DHRSX: variants seen among roughly 807,000 people sequenced by gnomAD.
The protein encoded by DHRSX is dehydrogenase/reductase X-linked.
DHRSX carries 31 observed loss-of-function variants against 34.0 expected under a neutral mutation model. The ratio of observed to expected loss-of-function variants is 0.91; its 90% CI spans 0.69 to 1.23. DHRSX has a LOEUF of 1.23. Ranked by LOEUF, DHRSX falls within the 50% of genes most tolerant of loss-of-function variation. The pLI is 0.00. For missense variants in DHRSX, 414 were observed against 428.1 expected, an observed-to-expected ratio of 0.97 and a Z score of 0.29; for synonymous variants, 201 against 183.8, an observed-to-expected ratio of 1.09 and a Z score of -0.76.
rs140373350 is a variant in DHRSX, at chrX:2,266,769, A to G, written c.567T>C (p.Ala189=). ...VTVSSATHYV[A]ELNMDDLQSS... is the part of the protein sequence containing the mutation. ...TCTGAAGGTCATCCATGTTCAGCTC[A>G]GCGACGTAATGGGTGGCAGAGGAGA... is the stretch of plus-strand genomic sequence containing the variant. Residue 189 remains alanine, a synonymous_variant, in exon 5 of 7, where the codon GCT becomes GCC. Transcript: ENST00000334651. The G allele has an allele frequency of 1.8e-4, 287 of 1,613,756 alleles. No homozygotes were observed. Among genetic ancestry groups the G allele is most frequent in the Non-Finnish European group, 2.2e-4 (255 of 1,179,780 alleles).
intron 1 of DHRSX, among the ~76,000 whole-genome samples, chrX:2,495,248 C>G (rs899802737): frequency 6.6e-6 from 1 of 150,946 alleles, no homozygotes; most frequent in African/African-American, 2.4e-5. Flanking sequence ...CGTTCCAGGA[C>G]GTGAAGCAAA....
chrX:2,374,964 G>A (rs1371844197), intron 3 of DHRSX, among the ~76,000 whole-genome samples: 1 of 136,880 alleles, frequency 7.3e-6, no homozygotes, highest in Non-Finnish European at 1.7e-5. Flanking sequence ...CAGCTACATA[G>A]GAGGCTGAGG....
chrX:2,289,414 G>A (rs1426212980), intron 4 of DHRSX, among the ~76,000 whole-genome samples: 3 of 152,080 alleles, frequency 2.0e-5, no homozygotes, highest in African/African-American at 7.2e-5. Flanking sequence ...CACCGCGCCC[G>A]GCCTGAGATT....
rs111944891 is a variant in DHRSX at position 2,476,239 on chromosome X, C to CA, written c.109+24577dup. Among the ~76,000 whole-genome samples, 129 of 147,690 alleles carry CA rather than the reference C, an allele frequency of 8.7e-4. 1 individual carries two copies. The highest frequency in any genetic ancestry group is 2.0e-3 in the African/African-American group (81 of 40,060). On this transcript the variant is annotated intron_variant, in intron 1 of 6. Transcript: ENST00000334651. ...CCTGTCTCTACTAAAAACACACACACAAAAAAAAATTAGCCAGGCATGGTG... is the reference window on the plus strand; with the variant it reads ...CCTGTCTCTACTAAAAACACACACACAAAAAAAAAATTAGCCAGGCATGGTG...
rs765035650 is a variant in DHRSX, at chrX:2,389,185, C to T, written c.286+19560G>A. On this transcript the variant is annotated intron_variant, in intron 3 of 6. Coordinates refer to ENST00000334651, the MANE Select transcript of DHRSX (RefSeq NM_145177.3). ...AGAATCAGCTCTAACCGTCTGTTAC[C>T]GGGACATAGGGTAACCAGCCAGGAA... Among the ~76,000 whole-genome samples, 194 of 152,248 alleles carry T rather than the reference C, an allele frequency of 1.3e-3. 2 individuals are homozygous for T. Among genetic ancestry groups the T allele is most frequent in the Non-Finnish European group, 2.3e-3 (155 of 68,004 alleles).
chrX:2,442,943 T>C (rs1485929546), intron 1 of DHRSX, among the ~76,000 whole-genome samples: 1 of 152,224 alleles, frequency 6.6e-6, no homozygotes, highest in Non-Finnish European at 1.5e-5. Context: ...GTCACTATGA[T>C]AAGACAATGA....
intron 1 of DHRSX, chrX:2,489,549 A>T (rs751733063): frequency 4.3e-6 from 7 of 1,612,476 alleles, no homozygotes; most frequent in Non-Finnish European, 5.9e-6. Flanking sequence ...ATGGTGGCCC[A>T]CTCGCTGGCC....
At chrX:2,270,566 CG>C in intron 4 of DHRSX, among the ~76,000 whole-genome samples, 2 of 151,840 alleles carry the variant, frequency 1.3e-5, no homozygotes, top group South Asian at 4.2e-4. Flanking sequence ...GTGGGTCCCG[CG>C]GCTCTACACG....
intron 4 of DHRSX, among the ~76,000 whole-genome samples, chrX:2,283,184 C>G (rs978415994): frequency 1.3e-5 from 2 of 151,930 alleles, no homozygotes; most frequent in African/African-American, 4.8e-5. Flanking sequence ...GGCTATGGGA[C>G]GGACGCCCTG....
intron 3 of DHRSX, among the ~76,000 whole-genome samples, chrX:2,343,539 G>A (rs1448708487): frequency 2.6e-5 from 4 of 152,146 alleles, no homozygotes; most frequent in African/African-American, 9.7e-5. Flanking sequence ...GGACTCTGTG[G>A]TCATGAAAGA....
chrX:2,461,981 C>T (rs1261442428), intron 1 of DHRSX, among the ~76,000 whole-genome samples: 1 of 152,144 alleles, frequency 6.6e-6, no homozygotes, highest in African/African-American at 2.4e-5. Context: ...AGAGCCACCG[C>T]GGCTGGCCAT....
At chrX:2,317,751 G>C (rs751235720) in intron 3 of DHRSX, among the ~76,000 whole-genome samples, 8 of 152,124 alleles carry the variant, frequency 5.3e-5, no homozygotes, top group Admixed American at 3.3e-4. Flanking sequence ...AGTCAATCAC[G>C]CGTTCATTTC....
chrX:2,342,840 G>T (rs1368480630), intron 3 of DHRSX, among the ~76,000 whole-genome samples: 1 of 152,014 alleles, frequency 6.6e-6, no homozygotes, highest in African/African-American at 2.4e-5. Flanking sequence ...ACACAACTTT[G>T]CCTTCTCCCT....
intron 1 of DHRSX, among the ~76,000 whole-genome samples, chrX:2,474,818 G>T (rs1325493887): frequency 6.6e-6 from 1 of 151,310 alleles, no homozygotes; most frequent in East Asian, 2.0e-4. Context: ...TATACACACT[G>T]AAGACGTTCC....
chrX:2,344,822 C>T lies in DHRSX; in HGVS notation c.287-53219G>A, dbSNP rs188632088. Among the ~76,000 whole-genome samples the T allele has an allele frequency of 3.6e-3, 510 of 143,136 alleles. 1 individual carries two copies. Among genetic ancestry groups the T allele is most frequent in the Non-Finnish European group, 5.5e-3 (366 of 66,776 alleles). The allele number at this position is 143,136 out of a possible 152,430, so 93.9% of individuals were successfully genotyped here. A position where few individuals can be genotyped will look rare whatever the true frequency, so the allele number is the denominator to read the frequency against. On this transcript the variant is annotated intron_variant, in intron 3 of 6. Coordinates refer to ENST00000334651, the MANE Select transcript of DHRSX (RefSeq NM_145177.3). ...GGCACATGTATACCTATGTAACAAACCTGCACGTTCTGCACATGTACCCCA... is the reference window on the plus strand; with the variant it reads ...GGCACATGTATACCTATGTAACAAATCTGCACGTTCTGCACATGTACCCCA...
chrX:2,384,490 G>T (rs985854075), intron 3 of DHRSX, among the ~76,000 whole-genome samples: 2 of 152,170 alleles, frequency 1.3e-5, no homozygotes, highest in African/African-American at 4.8e-5. Context: ...AAGCCACACA[G>T]GAGGGTAGGT....
At chrX:2,474,548 G>A (rs757625260) in intron 1 of DHRSX, among the ~76,000 whole-genome samples, 2 of 151,760 alleles carry the variant, frequency 1.3e-5, no homozygotes, top group South Asian at 2.1e-4. Flanking sequence ...CCTTAAGCAT[G>A]TGGCCCAAGG....
chrX:2,407,860 A>G (rs2043576781), intron 3 of DHRSX, among the ~76,000 whole-genome samples: 1 of 152,178 alleles, frequency 6.6e-6, no homozygotes, highest in Non-Finnish European at 1.5e-5. Context: ...CTATACTAAA[A>G]GCCCAGACCT....
rs1001610201 is a variant in DHRSX, at chrX:2,376,669, T to C, written c.286+32076A>G. On this transcript the variant is annotated intron_variant, in intron 3 of 6. Transcript: ENST00000334651. ...TAGGTTGCATTAGAGTAGTGTACGCTGTTAACTGAATAACTGGTGTCCTTA... is the reference window on the plus strand; with the variant it reads ...TAGGTTGCATTAGAGTAGTGTACGCCGTTAACTGAATAACTGGTGTCCTTA... Among the ~76,000 whole-genome samples, 5 of 126,178 alleles carry C rather than the reference T, an allele frequency of 4.0e-5. 2 individuals are homozygous for C. The allele number at this position is 126,178 out of a possible 152,430, so 82.8% of individuals were successfully genotyped here.
Sources: gnomAD v4.1 joint callset for allele counts (sites outside exome capture counted in the v4.1 genomes callset) on GRCh38, gnomAD v4.1.1 for gene constraint, MANE v1.5 for transcripts, NCBI Gene and HGNC (gene_info 2026-07-23, HGNC 2026-07-21) for gene names.